TCERG1L: variants seen among roughly 807,000 people sequenced by gnomAD.
The protein encoded by TCERG1L is transcription elongation regulator 1-like protein.
A neutral mutation model predicts 56.3 loss-of-function variants in TCERG1L; 37 were observed. The observed-to-expected ratio is 0.66, with a 90% CI of 0.51 to 0.87. The LOEUF (loss-of-function observed/expected upper bound fraction) is 0.87, where lower values mean the gene tolerates loss of function less well. TCERG1L is among the 40% of genes least tolerant of loss of function. The pLI is 0.00. For synonymous variants in TCERG1L, 324 were observed against 326.3 expected (o/e 0.99, Z 0.08); for missense variants, 799 against 774.2 (o/e 1.03, Z -0.38).
Position 131,237,438 on chromosome 10 carries a change from T to TA in TCERG1L, c.856+22820dup, listed in dbSNP as rs151083468. ...TTTTTGTTTCTCAAGATTTTCCACTTACCAAAAACAGTTCCTGGGACTCAG... is the reference window on the plus strand; with the variant it reads ...TTTTTGTTTCTCAAGATTTTCCACTTAACCAAAAACAGTTCCTGGGACTCAG... On this transcript the variant is annotated intron_variant, in intron 4 of 11. Coordinates refer to ENST00000368642, the MANE Select transcript of TCERG1L (RefSeq NM_174937.4). 1.7e-3 allele frequency among the ~76,000 whole-genome samples: 262 copies of TA among 152,282 alleles called. 1 individual carries two copies. The highest frequency in any genetic ancestry group is 2.3e-3 in the East Asian group (12 of 5,168).
At chr10:131,243,471 T>G (rs77465433) in intron 4 of TCERG1L, among the ~76,000 whole-genome samples, 3,931 of 152,170 alleles carry the variant, frequency 0.026, 153 homozygotes, top group African/African-American at 0.088. Context: ...ATCCTGGCTA[T>G]TTGGGTGGCT....
chr10:131,231,178 GC>G (rs1443369235), intron 4 of TCERG1L, among the ~76,000 whole-genome samples: 1 of 152,210 alleles, frequency 6.6e-6, no homozygotes, highest in African/African-American at 2.4e-5. Flanking sequence ...CCCTCAGACT[GC>G]CCGAGGGCTG....
At chr10:131,282,851 GA>G (rs1046830441) in intron 3 of TCERG1L, among the ~76,000 whole-genome samples, 1 of 151,322 alleles carries the variant, frequency 6.6e-6, no homozygotes, top group East Asian at 1.9e-4. Context: ...AGTTTTAAAG[GA>G]AAAAAAAGTA....
chr10:131,265,070 A>ATTTT (rs751581529), intron 3 of TCERG1L, among the ~76,000 whole-genome samples: 10 of 151,906 alleles, frequency 6.6e-5, no homozygotes, highest in Non-Finnish European at 4.4e-5. Flanking sequence ...CACCGAGTCC[A>ATTTT]TTTTTTTTAA....
intron 3 of TCERG1L, among the ~76,000 whole-genome samples, chr10:131,265,594 C>T (rs1275126302): frequency 1.3e-5 from 2 of 152,174 alleles, no homozygotes; most frequent in East Asian, 3.8e-4. Context: ...ACCACAATAA[C>T]GCAAATATTG....
In TCERG1L at chr10:131,311,150, C is replaced by G. The variant is rs1846888144; in HGVS notation, c.342+144G>C. 1 of 604,022 alleles carries G rather than the reference C, an allele frequency of 1.7e-6. No homozygotes were observed. Among genetic ancestry groups the G allele is most frequent in the Non-Finnish European group, 2.3e-6 (1 of 435,298 alleles). The allele number at this position is 604,022 out of a possible 1,614,324, so 37.4% of individuals were successfully genotyped here. A position where few individuals can be genotyped will look rare whatever the true frequency, so the allele number is the denominator to read the frequency against. ...AACTTTCTCGCCGAGGCACGGCTGC[C>G]GGGCTCCGTCCTGAGGGTTTGGGGC... On this transcript the variant is annotated intron_variant, in intron 1 of 11. Coordinates refer to ENST00000368642, the MANE Select transcript of TCERG1L (RefSeq NM_174937.4). The surrounding 1 kb of genome is among the most constrained non-coding windows in gnomAD (Gnocchi z 4.0).
chr10:131,252,336 C>T (rs530420927), intron 4 of TCERG1L, among the ~76,000 whole-genome samples: 50 of 152,254 alleles, frequency 3.3e-4, no homozygotes, highest in Non-Finnish European at 1.5e-4. Flanking sequence ...CTCTGAAGCA[C>T]CAATGTTGCT....
chr10:131,238,411 G>A (rs1378423578), intron 4 of TCERG1L, among the ~76,000 whole-genome samples: 2 of 152,196 alleles, frequency 1.3e-5, no homozygotes, highest in Non-Finnish European at 2.9e-5. Context: ...TCCCCACGGT[G>A]CTCAGAGTCT....
At chr10:131,266,949 T>C (rs571771587) in intron 3 of TCERG1L, among the ~76,000 whole-genome samples, 22 of 152,122 alleles carry the variant, frequency 1.4e-4, no homozygotes, top group African/African-American at 5.3e-4. Flanking sequence ...AATTGGTCCA[T>C]GGGTGGCCAT....
chr10:131,293,244 T>G (rs981388374), intron 3 of TCERG1L, among the ~76,000 whole-genome samples: 4 of 152,206 alleles, frequency 2.6e-5, no homozygotes, highest in African/African-American at 4.8e-5. Context: ...TTCTAATGCC[T>G]GGATTTGAAA....
At chr10:131,221,027 G>A (rs1845726562) in intron 4 of TCERG1L, among the ~76,000 whole-genome samples, 1 of 152,218 alleles carries the variant, frequency 6.6e-6, no homozygotes, top group South Asian at 2.1e-4. Context: ...GCCCCCCCAA[G>A]CGGCTGAGTA....
chr10:131,206,581 G>A (rs1001581522), intron 4 of TCERG1L, among the ~76,000 whole-genome samples: 43 of 152,236 alleles, frequency 2.8e-4, no homozygotes, highest in Non-Finnish European at 5.6e-4. Flanking sequence ...CAAGGACCCC[G>A]TGGCTGAGCT....
At position 131,308,240 on chromosome 10, in the gene TCERG1L, G is replaced by A. The variant is rs146598020; in HGVS notation, c.641C>T (p.Thr214Met). ...GATGGGCTGAGGTGCTAACACCACC[G>A]TGGGGAGCGGCCTGGAGGCAGGAGC... is the stretch of plus-strand genomic sequence containing the variant. ...RPAPASRPLP[T>M]VVLAPQPIPG... Residue 214 changes from threonine to methionine, a missense_variant, in exon 3 of 12, where the codon ACG becomes ATG. By Grantham distance (81) the Thr-to-Met change is moderately conservative. Coordinates refer to ENST00000368642, the MANE Select transcript of TCERG1L (RefSeq NM_174937.4). 54 of 1,613,834 alleles carry A rather than the reference G, an allele frequency of 3.3e-5. No homozygotes were observed. In the Middle Eastern group the frequency reaches 5.0e-4, roughly 15 times the overall value.
chr10:131,161,687 G>A (rs186799022), intron 6 of TCERG1L: 2 of 152,328 alleles, frequency 1.3e-5, no homozygotes, highest in East Asian at 3.9e-4. Context: ...CACCAACCAC[G>A]TGACTGGAGG....
intron 6 of TCERG1L, among the ~76,000 whole-genome samples, chr10:131,149,351 A>G (rs1845838726): frequency 1.7e-5 from 2 of 117,538 alleles, no homozygotes; most frequent in South Asian, 5.5e-4. Context: ...CTCTCAGATC[A>G]GGCAGACCAT....
rs563108449 is a variant in TCERG1L, at chr10:131,226,184, G to A, written c.856+34075C>T. On this transcript the variant is annotated intron_variant, in intron 4 of 11. Transcript: ENST00000368642. The stretch of plus-strand genomic sequence containing the variant: ...CTGAACTCCTGGGCTCAAGCAATCC[G>A]CCCGCCTCAGCTTCCCAAAGTGCTG... Among the ~76,000 whole-genome samples, 12 of 152,196 alleles carry A rather than the reference G, an allele frequency of 7.9e-5. No individual in the cohort carries two copies. In the East Asian group the frequency reaches 1.2e-3, roughly 15 times the overall value.
At chr10:131,287,701 G>A (rs902220661) in intron 3 of TCERG1L, among the ~76,000 whole-genome samples, 3 of 152,134 alleles carry the variant, frequency 2.0e-5, no homozygotes, top group African/African-American at 7.2e-5. Context: ...CTATGGGAAC[G>A]GTCTAAATAG....
chr10:131,127,210 A>T (rs574674767), intron 8 of TCERG1L, among the ~76,000 whole-genome samples: 1 of 152,332 alleles, frequency 6.6e-6, no homozygotes, highest in African/African-American at 2.4e-5. Flanking sequence ...ATTGTTAGAG[A>T]AACAGAACAA....
chr10:131,158,128 G>A (rs1052373650), intron 6 of TCERG1L, among the ~76,000 whole-genome samples: 1 of 152,254 alleles, frequency 6.6e-6, no homozygotes, highest in African/African-American at 2.4e-5. Flanking sequence ...AACTAAGGAT[G>A]CCGCCCGTCC....
Sources: allele counts gnomAD v4.1 joint callset (sites outside exome capture counted in the v4.1 genomes callset), GRCh38; gene constraint gnomAD v4.1.1; non-coding constraint Gnocchi (gnomAD v3.1); transcripts MANE v1.5; gene names NCBI Gene and HGNC (gene_info 2026-07-23, HGNC 2026-07-21).